The following FBXO21 variants were observed in gnomAD, a reference collection of about 807,000 sequenced individuals.
FBXO21 encodes F-box only protein 21.
In FBXO21, 32 loss-of-function variants were observed where a neutral mutation model predicts 76.6. The observed-to-expected ratio is 0.42, with a 90% CI of 0.32 to 0.56. The LOEUF (loss-of-function observed/expected upper bound fraction) is 0.56, where lower values mean the gene tolerates loss of function less well. Ranked by LOEUF, FBXO21 falls within the 20% of genes least tolerant of loss-of-function variation. The pLI, the probability that FBXO21 is intolerant of heterozygous loss-of-function variation, is 0.16. For synonymous variants in FBXO21, 328 were observed against 311.5 expected (o/e 1.05, Z -0.56); for missense variants, 586 against 797.3 (o/e 0.73, Z 3.19).
At chr12:117,178,377 A>C (rs1416379404) in intron 3 of FBXO21, among the ~76,000 whole-genome samples, 1 of 151,750 alleles carries the variant, frequency 6.6e-6, no homozygotes, top group African/African-American at 2.4e-5. Context: ...ACATCCTCCT[A>C]CCTCAGCTTC....
Position 117,189,359 on chromosome 12 carries a change from C to A in FBXO21, c.243G>T (p.Trp81Cys), listed in dbSNP as rs1337296190. The A allele has an allele frequency of 1.9e-6, 3 of 1,614,108 alleles. No individual in the cohort carries two copies. The highest frequency in any genetic ancestry group is 2.5e-6 in the Non-Finnish European group (3 of 1,180,012). Residue 81 changes from tryptophan (W) to cysteine (C), a missense_variant, in exon 2 of 12, where the codon TGG becomes TGT. Transcript: ENST00000622495. ...KVWKEQFRVR[W>C]PSLMKHYSPT... ...GGCTGTAGTGTTTCATAAGGGAAGGCCACCTACGAGGAGAGAAACACCCCC... is the reference window on the plus strand; with the variant it reads ...GGCTGTAGTGTTTCATAAGGGAAGGACACCTACGAGGAGAGAAACACCCCC...
chr12:117,148,238 G>C (rs1955801355), intron 11 of FBXO21, among the ~76,000 whole-genome samples: 1 of 152,222 alleles, frequency 6.6e-6, no homozygotes, highest in Non-Finnish European at 1.5e-5. Context: ...GGCAGACTGT[G>C]ACCAGGGACA....
At chr12:117,176,189 C>T (rs200184688) in intron 4 of FBXO21, among the ~76,000 whole-genome samples, 3 of 152,112 alleles carry the variant, frequency 2.0e-5, no homozygotes, top group African/African-American at 7.2e-5. Flanking sequence ...AATGTATACA[C>T]AGGAAACAGA....
Position 117,169,138 on chromosome 12 carries a change from T to C in FBXO21, c.1014-2061A>G, listed in dbSNP as rs117290850. Among the ~76,000 whole-genome samples, 285 of 152,328 alleles carry C rather than the reference T, an allele frequency of 1.9e-3. 5 individuals carry two copies. Among genetic ancestry groups the C allele is most frequent in the East Asian group, 0.015 (80 of 5,190 alleles). ...CACATATACACTATGGAATACTATG[T>C]AGCCACAAAAAAGAACAAGATTATG... is the stretch of plus-strand genomic sequence containing the variant. On this transcript the variant is annotated intron_variant, in intron 7 of 11. Coordinates refer to ENST00000622495, the MANE Select transcript of FBXO21 (RefSeq NM_015002.3).
chr12:117,179,841 T>C (rs2133678), intron 3 of FBXO21, among the ~76,000 whole-genome samples: 26,119 of 152,234 alleles, frequency 0.17, 2,714 homozygotes, highest in Middle Eastern at 0.33. Context: ...CCGTCTATTA[T>C]TTGATCCCCC....
chr12:117,161,046 T>A (rs1955970720), intron 9 of FBXO21, among the ~76,000 whole-genome samples: 1 of 152,120 alleles, frequency 6.6e-6, no homozygotes, highest in African/African-American at 2.4e-5. Context: ...GTCCTGGTCC[T>A]TAAAGAACAT....
intron 9 of FBXO21, among the ~76,000 whole-genome samples, chr12:117,161,051 G>A (rs1244273900): frequency 6.6e-6 from 1 of 152,160 alleles, no homozygotes; most frequent in Non-Finnish European, 1.5e-5. Flanking sequence ...GGTCCTTAAA[G>A]AACATGTTCT....
chr12:117,182,803 T>G (rs960569116), intron 3 of FBXO21, among the ~76,000 whole-genome samples: 1 of 152,036 alleles, frequency 6.6e-6, no homozygotes, highest in Non-Finnish European at 1.5e-5. Context: ...CCTCAAGTGA[T>G]CAACCCGCCT....
intron 6 of FBXO21, among the ~76,000 whole-genome samples, chr12:117,173,986 A>C (rs1956145705): frequency 6.6e-6 from 1 of 152,132 alleles, no homozygotes; most frequent in Non-Finnish European, 1.5e-5. Context: ...TCTACAAAAA[A>C]TAAAAAATTA....
At chr12:117,168,004 T>C (rs1335093105) in intron 7 of FBXO21, among the ~76,000 whole-genome samples, 1 of 152,160 alleles carries the variant, frequency 6.6e-6, no homozygotes, top group Non-Finnish European at 1.5e-5. Context: ...TGAGCAGTGG[T>C]CACATGATGC....
intron 9 of FBXO21, among the ~76,000 whole-genome samples, chr12:117,159,726 G>A (rs1198815630): frequency 2.0e-5 from 3 of 152,122 alleles, no homozygotes; most frequent in South Asian, 2.1e-4. Context: ...GTACCAACAA[G>A]CCGCTTTTTC....
chr12:117,173,273 C>T (rs531555671), intron 6 of FBXO21, among the ~76,000 whole-genome samples: 92 of 152,192 alleles, frequency 6.0e-4, no homozygotes, highest in African/African-American at 2.0e-3. Flanking sequence ...TCAGGTGATC[C>T]GCCCACCTCG....
chr12:117,188,897 G>T, intron 2 of FBXO21: 1 of 246,630 alleles, frequency 4.1e-6, no homozygotes, highest in Non-Finnish European at 7.9e-6. Context: ...CCCAAATAAC[G>T]GAGGGGTTGC....
chr12:117,162,283 G>A (rs1375335363), intron 9 of FBXO21, among the ~76,000 whole-genome samples: 1 of 152,224 alleles, frequency 6.6e-6, no homozygotes, highest in East Asian at 1.9e-4. Flanking sequence ...AGGTGCCTGT[G>A]TGCTGGCTTC....
At chr12:117,174,866 C>G (rs1329806834) in intron 4 of FBXO21, 69 bp from the exon 5 acceptor site, 6 of 1,505,928 alleles carry the variant, frequency 4.0e-6, no homozygotes, top group Non-Finnish European at 5.5e-6. Flanking sequence ...GCAATTTTAC[C>G]CTGGACATCC....
intron 9 of FBXO21, among the ~76,000 whole-genome samples, chr12:117,158,787 C>T (rs1955945390): frequency 6.6e-6 from 1 of 152,186 alleles, no homozygotes; most frequent in Non-Finnish European, 1.5e-5. Flanking sequence ...ACTAGTAGCA[C>T]AGAGTAGCAG....
intron 11 of FBXO21, among the ~76,000 whole-genome samples, chr12:117,153,656 T>C (rs904622214): frequency 2.0e-5 from 3 of 152,072 alleles, no homozygotes; most frequent in Admixed American, 2.0e-4. Flanking sequence ...GGGGGAGATC[T>C]GCCCCTTGGC....
At chr12:117,181,611 A>G (rs1376386187) in intron 3 of FBXO21, among the ~76,000 whole-genome samples, 1 of 150,222 alleles carries the variant, frequency 6.7e-6, no homozygotes, top group Admixed American at 6.6e-5. Flanking sequence ...CTATCTATCT[A>G]TCTATCTATC....
intron 4 of FBXO21, 115 bp downstream of exon 4, chr12:117,177,405 T>C (rs1956186767): frequency 1.9e-6 from 2 of 1,057,688 alleles, no homozygotes; most frequent in Admixed American, 2.4e-5. Flanking sequence ...CCACGCAACA[T>C]GATTTGCTTT....
Sources: gnomAD v4.1 joint callset for allele counts (sites outside exome capture counted in the v4.1 genomes callset) on GRCh38, gnomAD v4.1.1 for gene constraint, MANE v1.5 for transcripts, NCBI Gene and HGNC (gene_info 2026-07-23, HGNC 2026-07-21) for gene names.